The following SLCO3A1 variants were observed in gnomAD, a reference collection of about 807,000 sequenced individuals.
The protein encoded by SLCO3A1 is PGE1 transporter.
SLCO3A1 carries 27 observed loss-of-function variants against 63.1 expected under a neutral mutation model. The ratio of observed to expected loss-of-function variants is 0.43; its 90% CI spans 0.32 to 0.59. The LOEUF is 0.59. Ranked by LOEUF, SLCO3A1 falls within the 20% of genes least tolerant of loss-of-function variation. SLCO3A1 has a pLI of 0.09. For synonymous variants in SLCO3A1, 473 were observed against 409.9 expected, an observed-to-expected ratio of 1.15 and a Z score of -1.86; for missense variants, 773 against 945.8, an observed-to-expected ratio of 0.82 and a Z score of 2.40.
At chr15:91,976,418 G>A (rs956219002) in intron 2 of SLCO3A1, among the ~76,000 whole-genome samples, 19 of 152,146 alleles carry the variant, frequency 1.2e-4, no homozygotes, top group East Asian at 9.6e-4. Flanking sequence ...AATGTACAGC[G>A]TATTTTACTT....
At chr15:91,929,111 G>C (rs1251025195) in intron 2 of SLCO3A1, among the ~76,000 whole-genome samples, 1 of 152,188 alleles carries the variant, frequency 6.6e-6, no homozygotes, top group Non-Finnish European at 1.5e-5. Flanking sequence ...TTTCCTCATG[G>C]GGAAATAATC....
intron 2 of SLCO3A1, among the ~76,000 whole-genome samples, chr15:92,026,688 A>G (rs1857185350): frequency 6.6e-6 from 1 of 152,212 alleles, no homozygotes; most frequent in South Asian, 2.1e-4. Context: ...GACATGTACA[A>G]AGGAGGTGGC....
intron 2 of SLCO3A1, among the ~76,000 whole-genome samples, chr15:92,066,894 C>T (rs76846964): frequency 0.034 from 5,175 of 152,280 alleles, 144 homozygotes; most frequent in Non-Finnish European, 0.053. Context: ...CTCAATATTG[C>T]AACTTCTCTG....
Position 91,885,534 on chromosome 15 carries a change from G to T in SLCO3A1, c.181-30459G>T, listed in dbSNP as rs1024465091. 6.6e-6 allele frequency among the ~76,000 whole-genome samples: 1 copy of T among 151,654 alleles called. No homozygotes were observed. Among genetic ancestry groups the T allele is most frequent in the South Asian group, 2.1e-4 (1 of 4,828 alleles). The stretch of plus-strand genomic sequence containing the variant: ...GGGAGCCCTTTGCTGCTGGGCAGCG[G>T]GGCCCAAGATCCTCACAGTCTTTTA... On this transcript the variant is annotated intron_variant, in intron 1 of 9. Transcript: ENST00000318445. This position sits in a 1 kb window ranked among gnomAD's most constrained non-coding sequence, Gnocchi z 4.7.
chr15:92,164,508 T>C lies in SLCO3A1; in HGVS notation c.*1373T>C. 3.0e-6 allele frequency: 3 copies of C among 985,436 alleles called. No homozygotes were observed. The highest frequency in any genetic ancestry group is 3.6e-6 in the Non-Finnish European group (3 of 829,930). 61.0% of individuals were successfully genotyped at this position (985,436 alleles called of 1,614,324 possible). A position where few individuals can be genotyped will look rare whatever the true frequency, so the allele number is the denominator to read the frequency against. On this transcript the variant is annotated 3_prime_UTR_variant, in exon 10 of 10. Coordinates refer to ENST00000318445, the MANE Select transcript of SLCO3A1 (RefSeq NM_013272.4). ...TCCAAGAGGCGTTCTTTTCAGCCTGTGGAGGAGACACTCTTAGATGTGGGT... is the reference window on the plus strand; with the variant it reads ...TCCAAGAGGCGTTCTTTTCAGCCTGCGGAGGAGACACTCTTAGATGTGGGT...
intron 3 of SLCO3A1, among the ~76,000 whole-genome samples, chr15:92,096,275 T>C (rs1342708704): frequency 2.0e-5 from 3 of 152,208 alleles, no homozygotes; most frequent in Non-Finnish European, 2.9e-5. Flanking sequence ...AGAGAGCACC[T>C]GAGGCAGGAG....
chr15:92,000,737 ATCTGTC>A (rs1288873641), intron 2 of SLCO3A1, among the ~76,000 whole-genome samples: 1 of 152,208 alleles, frequency 6.6e-6, no homozygotes, highest in East Asian at 1.9e-4. Context: ...ACTGTTAGAA[ATCTGTC>A]TCTTAGCAGA....
At chr15:91,899,725 C>G (rs560109893) in intron 1 of SLCO3A1, among the ~76,000 whole-genome samples, 1 of 152,242 alleles carries the variant, frequency 6.6e-6, no homozygotes, top group Admixed American at 6.5e-5. Context: ...TAAAACATTC[C>G]ATCCTTCCAG....
intron 2 of SLCO3A1, among the ~76,000 whole-genome samples, chr15:91,927,297 T>A (rs1412603003): frequency 7.3e-6 from 1 of 137,098 alleles, no homozygotes; most frequent in South Asian, 2.2e-4. Context: ...AAATCAAAAC[T>A]TTTTTTTTTT....
chr15:91,874,522 C>T (rs930512617), intron 1 of SLCO3A1, among the ~76,000 whole-genome samples: 1 of 152,224 alleles, frequency 6.6e-6, no homozygotes, highest in African/African-American at 2.4e-5. Flanking sequence ...GGGCTTGTTT[C>T]AGTCAGCATA....
At position 91,865,088 on chromosome 15, in the gene SLCO3A1, G is replaced by A. The variant is rs767641415; in HGVS notation, c.180+11000G>A. Among the ~76,000 whole-genome samples the A allele has an allele frequency of 4.9e-4, 74 of 152,212 alleles. No individual in the cohort carries two copies. The highest frequency in any genetic ancestry group is 5.9e-4 in the Non-Finnish European group (40 of 68,044). On this transcript the variant is annotated intron_variant, in intron 1 of 9. Coordinates refer to ENST00000318445, the MANE Select transcript of SLCO3A1 (RefSeq NM_013272.4). The surrounding 1 kb of genome is among the most constrained non-coding windows in gnomAD (Gnocchi z 4.6). ...TCCCTATCCAGTGGATAATGGAGCT[G>A]AGCGTGGTCTCTTACAAGCCTTTCA...
At chr15:92,009,580 C>G (rs1282439976) in intron 2 of SLCO3A1, among the ~76,000 whole-genome samples, 1 of 152,188 alleles carries the variant, frequency 6.6e-6, no homozygotes, top group Non-Finnish European at 1.5e-5. Context: ...GGATTTGGCT[C>G]TACCACTATG....
chr15:91,969,082 C>T (rs1372245862), intron 2 of SLCO3A1, among the ~76,000 whole-genome samples: 1 of 152,132 alleles, frequency 6.6e-6, no homozygotes, highest in African/African-American at 2.4e-5. Context: ...CCTGTGTCCC[C>T]GCTACACACT....
chr15:91,872,336 G>A lies in SLCO3A1; in HGVS notation c.180+18248G>A, dbSNP rs532201221. ...TCACGAGGTCAGGAGTTCGAGACCA[G>A]CCTGGCCAACGTGGTGAAACCCCTT... On this transcript the variant is annotated intron_variant, in intron 1 of 9. Transcript: ENST00000318445. This position sits in a 1 kb window ranked among gnomAD's most constrained non-coding sequence, Gnocchi z 4.1. Among the ~76,000 whole-genome samples, 1 of 152,158 alleles carries A rather than the reference G, an allele frequency of 6.6e-6. No individual in the cohort carries two copies. Among genetic ancestry groups the A allele is most frequent in the Non-Finnish European group, 1.5e-5 (1 of 68,042 alleles).
At position 91,854,304 on chromosome 15, in the gene SLCO3A1, AG is replaced by A; in HGVS notation, c.180+217del. On this transcript the variant is annotated intron_variant, in intron 1 of 9. Transcript: ENST00000318445. This position sits in a 1 kb window ranked among gnomAD's most constrained non-coding sequence, Gnocchi z 6.4. ...AGCGGGCGGGACCGTTGATGCCGGT[AG>A]CAGCTCGCGCGCGTCCGGCTGGGGC... 2.7e-6 allele frequency: 3 copies of A among 1,125,492 alleles called. No homozygotes were observed. The highest frequency in any genetic ancestry group is 3.3e-6 in the Non-Finnish European group (3 of 918,450). The allele number at this position is 1,125,492 out of a possible 1,614,324, so 69.7% of individuals were successfully genotyped here.
At chr15:91,904,442 C>A (rs1208422872) in intron 1 of SLCO3A1, among the ~76,000 whole-genome samples, 1 of 152,162 alleles carries the variant, frequency 6.6e-6, no homozygotes, top group Non-Finnish European at 1.5e-5. Flanking sequence ...TGCTTCATTC[C>A]TCTGGGCTTC....
At position 91,971,987 on chromosome 15, in the gene SLCO3A1, G is replaced by A. The variant is rs375517283; in HGVS notation, c.646+55529G>A. 1.8e-3 allele frequency among the ~76,000 whole-genome samples: 274 copies of A among 152,166 alleles called. 2 individuals carry two copies. The highest frequency in any genetic ancestry group is 3.0e-3 in the Non-Finnish European group (201 of 68,012). On this transcript the variant is annotated intron_variant, in intron 2 of 9. Coordinates refer to ENST00000318445, the MANE Select transcript of SLCO3A1 (RefSeq NM_013272.4). Reference sequence around the variant, plus strand: ...TTTGCATTATATTCCTTACCAATGAGCATTTCCTTTGAGCGTCATGTTGGC... The same window carrying A: ...TTTGCATTATATTCCTTACCAATGAACATTTCCTTTGAGCGTCATGTTGGC...
chr15:92,090,689 T>G (rs957690282), intron 2 of SLCO3A1, among the ~76,000 whole-genome samples: 1 of 152,036 alleles, frequency 6.6e-6, no homozygotes, highest in Non-Finnish European at 1.5e-5. Context: ...CCCCCAAAGA[T>G]AGCTTTAAGA....
chr15:92,070,919 T>C (rs958274606), intron 2 of SLCO3A1, among the ~76,000 whole-genome samples: 54 of 152,214 alleles, frequency 3.5e-4, no homozygotes, highest in African/African-American at 1.1e-3. Flanking sequence ...TTTTATGTTA[T>C]GGACATTTTA....
Sources: gnomAD v4.1 joint callset for allele counts (sites outside exome capture counted in the v4.1 genomes callset) on GRCh38, gnomAD v4.1.1 for gene constraint, Gnocchi (gnomAD v3.1) non-coding constraint, MANE v1.5 for transcripts, NCBI Gene and HGNC (gene_info 2026-07-23, HGNC 2026-07-21) for gene names.